GART: variants seen among roughly 807,000 people sequenced by gnomAD.
The protein encoded by GART is phosphoribosylglycinamide formyltransferase, phosphoribosylglycinamide synthetase, phosphoribosylaminoimidazole synthetase.
In GART, 43 loss-of-function variants were observed where a neutral mutation model predicts 107.2. The observed-to-expected ratio is 0.40, with a 90% CI of 0.31 to 0.52. The LOEUF is 0.52. GART is among the 20% of genes least tolerant of loss of function. GART has a pLI of 0.52. For missense variants in GART, 1,107 were observed against 1,206.5 expected (o/e 0.92, Z 1.22); for synonymous variants, 434 against 427.0 (o/e 1.02, Z -0.20).
intron 2 of GART, among the ~76,000 whole-genome samples, chr21:33,535,890 T>G (rs912054422): frequency 2.0e-5 from 3 of 152,014 alleles, no homozygotes; most frequent in African/African-American, 7.3e-5. Context: ...TAGCTGGGTG[T>G]GGGGGCATGC....
chr21:33,531,155 T>G (rs1033917536), intron 6 of GART: 1 of 393,324 alleles, frequency 2.5e-6, no homozygotes, highest in Non-Finnish European at 4.4e-6. Flanking sequence ...TCCCCCACTT[T>G]AAGCTTCCAG....
chr21:33,525,236 A>AAATC (rs1284801582), intron 10 of GART, among the ~76,000 whole-genome samples: 6 of 151,970 alleles, frequency 3.9e-5, no homozygotes, highest in African/African-American at 1.5e-4. Context: ...ATAAATAAAT[A>AAATC]AATAAATAAT....
At chr21:33,531,330 T>A (rs559996866) in intron 6 of GART, 159 bp downstream of exon 6, 417 of 681,628 alleles carry the variant, frequency 6.1e-4, no homozygotes, top group Non-Finnish European at 8.4e-4. Context: ...TATTTTTTCA[T>A]TTGCACCCCC....
chr21:33,507,424 G>T (rs753835385), intron 18 of GART, among the ~76,000 whole-genome samples: 20 of 152,162 alleles, frequency 1.3e-4, no homozygotes, highest in Non-Finnish European at 7.4e-5. Flanking sequence ...CGGGGAGAGG[G>T]GATGCTAATG....
At chr21:33,537,947 G>T (rs1289258514) in intron 2 of GART, among the ~76,000 whole-genome samples, 1 of 152,030 alleles carries the variant, frequency 6.6e-6, no homozygotes, top group Non-Finnish European at 1.5e-5. Flanking sequence ...TGCCAATTGA[G>T]AGATAAGGGT....
At chr21:33,514,750 C>G (rs2084846509) in intron 16 of GART, among the ~76,000 whole-genome samples, 2 of 152,162 alleles carry the variant, frequency 1.3e-5, no homozygotes, top group African/African-American at 4.8e-5. Flanking sequence ...ATGAATCCTT[C>G]AACTCCTTAA....
chr21:33,524,183 CTCA>C, intron 11 of GART: 1 of 984,784 alleles, frequency 1.0e-6, no homozygotes, highest in Non-Finnish European at 1.2e-6. Flanking sequence ...GACCAGTATT[CTCA>C]TCTTCAGTTC....
intron 18 of GART, among the ~76,000 whole-genome samples, chr21:33,506,374 C>T (rs1452828740): frequency 3.9e-5 from 6 of 152,178 alleles, no homozygotes; most frequent in African/African-American, 1.4e-4. Flanking sequence ...GAACTCCTGA[C>T]ATCAGGTGAT....
Position 33,517,507 on chromosome 21 carries a change from G to A in GART, c.1804C>T (p.Leu602=), listed in dbSNP as rs2084899900. 2 of 1,614,214 alleles carry A rather than the reference G, an allele frequency of 1.2e-6. No homozygotes were observed. The highest frequency in any genetic ancestry group is 1.7e-6 in the Non-Finnish European group (2 of 1,180,048). The change falls in exon 15 of 22, where the codon CTG becomes TTG. Residue 602 remains leucine (L), a synonymous_variant. Transcript: ENST00000381815. ...ACATCACCCTCAGTGATTCTTTCCA[G>A]GTGAGGGAGTTTCTGATCTCGCTCC... The part of the protein sequence containing the change: ...AMERDQKLPH[L]ERITEGDVVV...
chr21:33,514,670 G>A (rs888905607), intron 16 of GART, among the ~76,000 whole-genome samples: 1 of 152,082 alleles, frequency 6.6e-6, no homozygotes, highest in African/African-American at 2.4e-5. Context: ...ACTTATTAAG[G>A]TTCTTATATA....
chr21:33,508,983 G>C (rs141641500), intron 18 of GART, among the ~76,000 whole-genome samples: 149 of 152,226 alleles, frequency 9.8e-4, no homozygotes, highest in African/African-American at 3.4e-3. Flanking sequence ...TTTTATGGCT[G>C]CATCTTACAA....
chr21:33,516,734 C>A (rs2084886140), intron 16 of GART, among the ~76,000 whole-genome samples: 2 of 152,106 alleles, frequency 1.3e-5, no homozygotes, highest in African/African-American at 2.4e-5. Flanking sequence ...AGTTACCAAT[C>A]CCCTTGGAGG....
At position 33,534,692 on chromosome 21, in the gene GART, A is replaced by G. The variant is rs140645923; in HGVS notation, c.303T>C (p.Ala101=). The G allele has an allele frequency of 1.2e-6, 2 of 1,612,708 alleles. No individual in the cohort carries two copies. Among genetic ancestry groups the G allele is most frequent in the Non-Finnish European group, 1.7e-6 (2 of 1,179,526 alleles). ...CAAACCTTTTGCTGGACTCTAACTGAGCCGCTTCTGCTGTTGGGCCAAAGC... is the reference window on the plus strand; with the variant it reads ...CAAACCTTTTGCTGGACTCTAACTGGGCCGCTTCTGCTGTTGGGCCAAAGC... The part of the protein sequence containing the change: ...VQCFGPTAEA[A]QLESSKRFAK... Residue 101 remains alanine (A), a synonymous_variant, in exon 4 of 22, where the codon GCT becomes GCC. Transcript: ENST00000381815.
intron 2 of GART, among the ~76,000 whole-genome samples, chr21:33,538,540 G>A (rs1186559785): frequency 6.6e-6 from 1 of 152,002 alleles, no homozygotes; most frequent in African/African-American, 2.4e-5. Flanking sequence ...GCCGCAAGTT[G>A]TATTTAATAG....
At chr21:33,512,227 T>A (rs1003897827) in intron 16 of GART, among the ~76,000 whole-genome samples, 2 of 129,750 alleles carry the variant, frequency 1.5e-5, no homozygotes, top group Non-Finnish European at 3.1e-5. Flanking sequence ...GAGGTTGCAG[T>A]GGGCCGAGAT....
chr21:33,535,154 T>C, intron 3 of GART, 71 bp downstream of exon 3: 1 of 899,638 alleles, frequency 1.1e-6, no homozygotes, highest in East Asian at 2.9e-5. Flanking sequence ...GTAAAATGAA[T>C]TGGATTAGAT....
chr21:33,516,414 C>T (rs2084880831), intron 16 of GART, among the ~76,000 whole-genome samples: 1 of 152,140 alleles, frequency 6.6e-6, no homozygotes, highest in Admixed American at 6.5e-5. Context: ...TTACTACGTG[C>T]AAATAATCAC....
chr21:33,509,966 T>C, intron 17 of GART, 46 bp from the exon 18 acceptor site: 1 of 1,533,876 alleles, frequency 6.5e-7, no homozygotes, highest in Non-Finnish European at 8.9e-7. Flanking sequence ...CAATTGTGAA[T>C]TAACAAGAAT....
chr21:33,504,858 T>G (rs2084652703), intron 20 of GART, among the ~76,000 whole-genome samples: 1 of 152,210 alleles, frequency 6.6e-6, no homozygotes, highest in Non-Finnish European at 1.5e-5. Context: ...ACATAGCATC[T>G]ATGTGCTTGA....
Sources: gnomAD v4.1 joint callset for allele counts (sites outside exome capture counted in the v4.1 genomes callset) on GRCh38, gnomAD v4.1.1 for gene constraint, MANE v1.5 for transcripts, NCBI Gene and HGNC (gene_info 2026-07-23, HGNC 2026-07-21) for gene names.